Variants in PDK1 observed in about 807,000 individuals in gnomAD.
PDK1 encodes [Pyruvate dehydrogenase (acetyl-transferring)] kinase isozyme 1, mitochondrial.
PDK1 carries 39 observed loss-of-function variants against 54.2 expected under a neutral mutation model. The ratio of observed to expected loss-of-function variants is 0.72; its 90% CI spans 0.56 to 0.94. PDK1 has a LOEUF of 0.94. Among genes scored for constraint, PDK1 ranks in the 40% least tolerant of loss-of-function variants. The pLI is 0.00. For synonymous variants in PDK1, 221 were observed against 207.1 expected (o/e 1.07, Z -0.58); for missense variants, 552 against 566.0 (o/e 0.98, Z 0.25).
intron 2 of PDK1, 30 bp from the exon 3 acceptor site, chr2:172,562,190 A>G: frequency 8.1e-7 from 1 of 1,238,646 alleles, no homozygotes; most frequent in Middle Eastern, 2.1e-4. Context: ...ATATAAAAGA[A>G]CAAACTTATC....
intron 6 of PDK1, among the ~76,000 whole-genome samples, chr2:172,568,327 CAA>C (rs11400625): frequency 2.0e-3 from 113 of 57,098 alleles, no homozygotes; most frequent in South Asian, 4.3e-3. Flanking sequence ...GACTCCGTCT[CAA>C]AAAAAAAAAA....
Position 172,586,330 on chromosome 2 carries a change from A to G in PDK1, c.998A>G (p.Asn333Ser). Reference protein sequence around the residue: ...VPLRKIDRLFNYMYSTAPRPR... With the variant: ...VPLRKIDRLFSYMYSTAPRPR... ...TTGAGGAAAATTGACAGACTTTTCA[A>G]CTACATGTATTCAACTGCACCAAGA... The change falls in exon 9 of 11, where the codon AAC becomes AGC. Residue 333 changes from asparagine (N) to serine (S), a missense_variant. Coordinates refer to ENST00000282077, the MANE Select transcript of PDK1 (RefSeq NM_002610.5). 1 of 1,613,500 alleles carries G rather than the reference A, an allele frequency of 6.2e-7. No individual in the cohort carries two copies. The highest frequency in any genetic ancestry group is 1.1e-5 in the South Asian group (1 of 91,066).
intron 2 of PDK1, among the ~76,000 whole-genome samples, chr2:172,559,182 C>T (rs774848440): frequency 3.9e-5 from 6 of 152,114 alleles, no homozygotes; most frequent in Non-Finnish European, 7.4e-5. Context: ...CTCCTGAACT[C>T]GTGATCCACC....
At chr2:172,587,122 A>G (rs897862260) in intron 9 of PDK1, among the ~76,000 whole-genome samples, 2 of 152,192 alleles carry the variant, frequency 1.3e-5, no homozygotes, top group African/African-American at 2.4e-5. Context: ...AGTTACTAGG[A>G]CTTTATTCTG....
chr2:172,693,393 G>T, the PDK1 span, among the ~76,000 whole-genome samples: 1 of 152,204 alleles, frequency 6.6e-6, no homozygotes, highest in East Asian at 1.9e-4. Flanking sequence ...CATTTACTGG[G>T]GGGTGACCCT....
rs1175087926 is a variant in PDK1 at position 172,583,281 on chromosome 2, G to GTTTTTTTTTTTTTTTTT, written c.946-2982_946-2966dup. 4.5e-4 allele frequency among the ~76,000 whole-genome samples: 35 copies of GTTTTTTTTTTTTTTTTT among 77,070 alleles called. 5 individuals carry two copies. Among genetic ancestry groups the GTTTTTTTTTTTTTTTTT allele is most frequent in the African/African-American group, 1.8e-3 (34 of 18,476 alleles). 50.6% of individuals were successfully genotyped at this position (77,070 alleles called of 152,430 possible). On this transcript the variant is annotated intron_variant, in intron 8 of 10. Transcript: ENST00000282077. Reference sequence around the variant, plus strand: ...CATAATGCTGCATAAAAGTTTTCTGGTTTTTTTTTTTTTTTTTTTTTTTTT... The same window carrying GTTTTTTTTTTTTTTTTT: ...CATAATGCTGCATAAAAGTTTTCTGGTTTTTTTTTTTTTTTTTTTTTTTTTTTTTTTTTTTTTTTTTT...
chr2:172,693,005 T>C, the PDK1 span, among the ~76,000 whole-genome samples: 1 of 152,340 alleles, frequency 6.6e-6, no homozygotes, highest in African/African-American at 2.4e-5. Context: ...AGTCACCCTT[T>C]AGCACCCACT....
chr2:172,639,757 A>T, the PDK1 span, among the ~76,000 whole-genome samples: 4 of 152,246 alleles, frequency 2.6e-5, no homozygotes, highest in Non-Finnish European at 5.9e-5. Flanking sequence ...CATCTTCATG[A>T]AGGGATTAGT....
chr2:172,574,109 A>G (rs1276981302), intron 8 of PDK1, among the ~76,000 whole-genome samples: 2 of 152,162 alleles, frequency 1.3e-5, no homozygotes, highest in Non-Finnish European at 1.5e-5. Context: ...AGTTTTGTAC[A>G]TGGTTTGAGG....
chr2:172,660,245 C>CTTTTTTTTTTTTT, the PDK1 span, among the ~76,000 whole-genome samples: 88 of 55,636 alleles, frequency 1.6e-3, 24 homozygotes, highest in East Asian at 2.4e-3. Flanking sequence ...CTCTCTCTCT[C>CTTTTTTTTTTTTT]TCTTTTTTTT....
At chr2:172,662,116 A>G in the PDK1 span, among the ~76,000 whole-genome samples, 1 of 152,230 alleles carries the variant, frequency 6.6e-6, no homozygotes, top group Non-Finnish European at 1.5e-5. Context: ...CATTCACATC[A>G]TTGGTGAATG....
At chr2:172,564,127 A>G (rs1688805781) in intron 3 of PDK1, 3 of 473,574 alleles carry the variant, frequency 6.3e-6, no homozygotes, top group Admixed American at 2.4e-5. Flanking sequence ...GGTGTTCTCT[A>G]GAGGCAAGTG....
the PDK1 span, among the ~76,000 whole-genome samples, chr2:172,620,097 C>T: frequency 2.6e-5 from 4 of 152,256 alleles, no homozygotes; most frequent in East Asian, 1.9e-4. Flanking sequence ...GCCTGGTAGG[C>T]GGAGGTTGTG....
chr2:172,621,755 ATC>A, the PDK1 span, among the ~76,000 whole-genome samples: 1 of 146,760 alleles, frequency 6.8e-6, no homozygotes, highest in East Asian at 2.0e-4. Flanking sequence ...ATATGTTTAT[ATC>A]TCATATATGT....
At chr2:172,636,665 G>C in the PDK1 span, among the ~76,000 whole-genome samples, 1 of 150,918 alleles carries the variant, frequency 6.6e-6, no homozygotes, top group African/African-American at 2.4e-5. Context: ...AGGTTGCAGT[G>C]AGCTGAGATC....
At chr2:172,622,084 A>G in the PDK1 span, among the ~76,000 whole-genome samples, 1 of 139,852 alleles carries the variant, frequency 7.2e-6, no homozygotes, top group South Asian at 2.7e-4. Context: ...ATATTATGTG[A>G]GATATGTTTA....
chr2:172,686,065 T>G, the PDK1 span, among the ~76,000 whole-genome samples: 1 of 152,252 alleles, frequency 6.6e-6, no homozygotes, highest in Admixed American at 6.5e-5. Flanking sequence ...ACTTGTATGA[T>G]GTAGTTTCAC....
chr2:172,688,405 G>T, the PDK1 span, among the ~76,000 whole-genome samples: 1 of 152,150 alleles, frequency 6.6e-6, no homozygotes, highest in Non-Finnish European at 1.5e-5. Flanking sequence ...TAACTACCTT[G>T]TGCCAGGGAT....
the PDK1 span, among the ~76,000 whole-genome samples, chr2:172,660,247 CTTTTTTTTT>C: frequency 4.5e-5 from 2 of 44,218 alleles, no homozygotes; most frequent in Admixed American, 4.3e-4. Context: ...CTCTCTCTCT[CTTTTTTTTT>C]TTTTTTTTTT....
Sources: gnomAD v4.1 joint callset for allele counts (sites outside exome capture counted in the v4.1 genomes callset) on GRCh38, gnomAD v4.1.1 for gene constraint, MANE v1.5 for transcripts, NCBI Gene and HGNC (gene_info 2026-07-23, HGNC 2026-07-21) for gene names.